The following GPNMB variants were observed in gnomAD, a reference collection of about 807,000 sequenced individuals.
GPNMB encodes transmembrane glycoprotein NMB.
GPNMB carries 71 observed loss-of-function variants against 57.3 expected under a neutral mutation model. That is an observed-to-expected ratio of 1.24 (90% CI 1.02 to 1.51). GPNMB has a LOEUF of 1.51. GPNMB is among the 40% of genes most tolerant of loss of function. GPNMB has a pLI of 0.00. For synonymous variants in GPNMB, 253 were observed against 263.2 expected (o/e 0.96, Z 0.38); for missense variants, 677 against 691.9 (o/e 0.98, Z 0.24).
At chr7:23,264,422 G>T (rs187254965) in intron 6 of GPNMB, among the ~76,000 whole-genome samples, 1 of 151,990 alleles carries the variant, frequency 6.6e-6, no homozygotes, top group Non-Finnish European at 1.5e-5. Flanking sequence ...GCCCAGGCTG[G>T]AGTGCAGTAG....
chr7:23,260,344 A>T, intron 5 of GPNMB, 112 bp from the exon 6 acceptor site: 1 of 1,073,756 alleles, frequency 9.3e-7, no homozygotes. Flanking sequence ...AAGGAAAATA[A>T]TGCTAAATTA....
At chr7:23,249,848 A>G (rs1260476782) in intron 1 of GPNMB, among the ~76,000 whole-genome samples, 1 of 152,188 alleles carries the variant, frequency 6.6e-6, no homozygotes, top group East Asian at 1.9e-4. Context: ...TGGTTGTATG[A>G]TAGTTGCATG....
chr7:23,269,959 T>G lies in GPNMB; in HGVS notation c.1221-8T>G. On this transcript the variant is annotated splice_region_variant and splice_polypyrimidine_tract_variant and intron_variant, in intron 8 of 10. Coordinates refer to ENST00000258733, the MANE Select transcript of GPNMB (RefSeq NM_002510.3). ...CCTGTGCGCCCTCGCCCACCTCCCC[T>G]GTCGCAGCATTCCCACGGAGGTCTG... The G allele has an allele frequency of 6.2e-7, 1 of 1,611,684 alleles. No individual in the cohort carries two copies. The highest frequency in any genetic ancestry group is 8.5e-7 in the Non-Finnish European group (1 of 1,177,962).
intron 4 of GPNMB, among the ~76,000 whole-genome samples, chr7:23,258,848 TCA>T (rs1478309455): frequency 3.9e-5 from 6 of 152,260 alleles, no homozygotes; most frequent in Admixed American, 2.6e-4. Context: ...TGTGTTTTTC[TCA>T]CACGTTTGAC....
intron 8 of GPNMB, among the ~76,000 whole-genome samples, chr7:23,269,144 T>C (rs1388824243): frequency 6.6e-6 from 1 of 152,142 alleles, no homozygotes; most frequent in Non-Finnish European, 1.5e-5. Context: ...TTCAGCACTT[T>C]GGGAGGCTGA....
intron 7 of GPNMB, among the ~76,000 whole-genome samples, chr7:23,267,146 CCT>C (rs1364875379): frequency 6.6e-6 from 1 of 152,008 alleles, no homozygotes; most frequent in Non-Finnish European, 1.5e-5. Flanking sequence ...AGCAGTGTCC[CCT>C]GAGTCCAAGC....
rs1300872323 is a variant in GPNMB at position 23,257,063 on chromosome 7, T to A, written c.539T>A (p.Leu180His). 1 of 1,613,878 alleles carries A rather than the reference T, an allele frequency of 6.2e-7. No individual in the cohort carries two copies. The highest frequency in any genetic ancestry group is 1.1e-5 in the South Asian group (1 of 91,084). ...RWNFIYVFHTLGQYFQKLGRC... is the reference protein window; with the variant it reads ...RWNFIYVFHTHGQYFQKLGRC... ...AATTTCATCTACGTCTTCCACACAC[T>A]TGGTTGGCTTTTACAAACCCCTAAG... is the stretch of plus-strand genomic sequence containing the variant. The change falls in exon 4 of 11, where the codon CTT becomes CAT. Residue 180 changes from leucine to histidine, a missense_variant and splice_region_variant. Transcript: ENST00000258733.
At position 23,267,993 on chromosome 7, in the gene GPNMB, G is replaced by C; in HGVS notation, c.1220+5G>C. ...TGTCGTGACCTGCCAAGGGAGGTGA[G>C]TATATTATCTCCGACAGAGGCATGG... On this transcript the variant is annotated splice_donor_5th_base_variant and intron_variant, in intron 8 of 10. Transcript: ENST00000258733. The C allele has an allele frequency of 6.4e-7, 1 of 1,564,744 alleles. No individual in the cohort carries two copies. Among genetic ancestry groups the C allele is most frequent in the Non-Finnish European group, 8.7e-7 (1 of 1,145,138 alleles).
intron 3 of GPNMB, among the ~76,000 whole-genome samples, chr7:23,255,027 C>T (rs1782743238): frequency 6.6e-6 from 1 of 152,068 alleles, no homozygotes; most frequent in African/African-American, 2.4e-5. Context: ...AAAAATTAGC[C>T]AGGCGTGGTG....
intron 1 of GPNMB, chr7:23,250,567 CA>C (rs11454349): frequency 0.024 from 3,551 of 146,014 alleles, 127 homozygotes; most frequent in East Asian, 0.13. Flanking sequence ...CCCATCTCTT[CA>C]AAAAAAAAAA....
Position 23,254,331 on chromosome 7 carries a change from C to T in GPNMB, c.367+19C>T, listed in dbSNP as rs2128481480. 6.2e-7 allele frequency: 1 copy of T among 1,602,924 alleles called. No homozygotes were observed. The highest frequency in any genetic ancestry group is 8.5e-7 in the Non-Finnish European group (1 of 1,171,322). The stretch of plus-strand genomic sequence containing the variant: ...AGAAATGGTAAGAACACAGTATTCT[C>T]CTAAACTACTGGAGACCCAGTTTCT... On this transcript the variant is annotated intron_variant, in intron 3 of 10. Coordinates refer to ENST00000258733, the MANE Select transcript of GPNMB (RefSeq NM_002510.3).
intron 1 of GPNMB, among the ~76,000 whole-genome samples, chr7:23,248,789 T>A (rs549124811): frequency 4.9e-4 from 75 of 151,892 alleles, no homozygotes; most frequent in African/African-American, 1.7e-3. Context: ...TTTTTTTTTT[T>A]AATCAATTTT....
At position 23,253,449 on chromosome 7, in the gene GPNMB, C is replaced by A; in HGVS notation, c.213C>A (p.Asn71Lys). 1 of 1,613,504 alleles carries A rather than the reference C, an allele frequency of 6.2e-7. No homozygotes were observed. Residue 71 changes from asparagine to lysine, a missense_variant, in exon 2 of 11, where the codon AAC (asparagine) becomes AAA (lysine). By Grantham distance (94) the Asn-to-Lys change is moderately conservative. Coordinates refer to ENST00000258733, the MANE Select transcript of GPNMB (RefSeq NM_002510.3). ...VWKRGDMRWK[N>K]SWKGGRVQAV... The stretch of plus-strand genomic sequence containing the variant: ...AGCGGGGAGACATGAGGTGGAAAAA[C>A]TCCTGGAAGGGTAAGTCAAAAGATT...
chr7:23,263,742 A>G (rs889576360), intron 6 of GPNMB, among the ~76,000 whole-genome samples: 1 of 152,108 alleles, frequency 6.6e-6, no homozygotes, highest in East Asian at 1.9e-4. Context: ...AATGCCTTAA[A>G]CCAGCATCTC....
rs777510004 is a variant in GPNMB, at chr7:23,260,091, G to C, written c.653G>C (p.Arg218Pro). 72 of 1,613,830 alleles carry C rather than the reference G, an allele frequency of 4.5e-5. No homozygotes were observed. Among genetic ancestry groups the C allele is most frequent in the Non-Finnish European group, 6.0e-5 (71 of 1,179,884 alleles). The change falls in exon 5 of 11, where the codon CGG (arginine) becomes CCG (proline). Residue 218 changes from arginine to proline, a missense_variant. Transcript: ENST00000258733. Reference sequence around the variant, plus strand: ...GTGACTGTCTACAGAAGACATGGACGGGCATATGTTCCCATCGCACAAGTG... The same window carrying C: ...GTGACTGTCTACAGAAGACATGGACCGGCATATGTTCCCATCGCACAAGTG... ...MEVTVYRRHGRAYVPIAQVKD... is the reference protein window; with the variant it reads ...MEVTVYRRHGPAYVPIAQVKD...
In GPNMB at chr7:23,267,999, T is replaced by C; in HGVS notation, c.1220+11T>C. The C allele has an allele frequency of 6.5e-7, 1 of 1,527,414 alleles. No individual in the cohort carries two copies. The highest frequency in any genetic ancestry group is 8.9e-7 in the Non-Finnish European group (1 of 1,118,734). The allele number at this position is 1,527,414 out of a possible 1,614,324, so 94.6% of individuals were successfully genotyped here. A position where few individuals can be genotyped will look rare whatever the true frequency, so the allele number is the denominator to read the frequency against. ...GACCTGCCAAGGGAGGTGAGTATATTATCTCCGACAGAGGCATGGGTGGGT... is the reference window on the plus strand; with the variant it reads ...GACCTGCCAAGGGAGGTGAGTATATCATCTCCGACAGAGGCATGGGTGGGT... On this transcript the variant is annotated intron_variant, in intron 8 of 10. Transcript: ENST00000258733.
rs894442043 is a variant in GPNMB, at chr7:23,260,068, G to C, written c.630G>C (p.Val210=). The stretch of plus-strand genomic sequence containing the variant: ...CACTTGGGCCTCAACTCATGGAAGT[G>C]ACTGTCTACAGAAGACATGGACGGG... ...NVTLGPQLME[V]TVYRRHGRAY... The change falls in exon 5 of 11, where the codon GTG becomes GTC. Residue 210 remains valine (V), a synonymous_variant. Transcript: ENST00000258733. The C allele has an allele frequency of 6.2e-7, 1 of 1,613,924 alleles. No homozygotes were observed. The highest frequency in any genetic ancestry group is 1.3e-5 in the African/African-American group (1 of 74,924).
chr7:23,255,493 T>C (rs1055438166), intron 3 of GPNMB, among the ~76,000 whole-genome samples: 2 of 152,254 alleles, frequency 1.3e-5, no homozygotes, highest in African/African-American at 4.8e-5. Flanking sequence ...TCCTGACTAT[T>C]GTGAATACTG....
At chr7:23,250,988 A>T (rs1407425713) in intron 1 of GPNMB, 3 of 152,224 alleles carry the variant, frequency 2.0e-5, no homozygotes, top group African/African-American at 7.2e-5. Context: ...TTATTGATAA[A>T]CACAAATGTC....
Sources: allele counts gnomAD v4.1 joint callset (sites outside exome capture counted in the v4.1 genomes callset), GRCh38; gene constraint gnomAD v4.1.1; transcripts MANE v1.5; gene names NCBI Gene and HGNC (gene_info 2026-07-23, HGNC 2026-07-21).